KREMEN1: variants seen among roughly 807,000 people sequenced by gnomAD.
The protein encoded by KREMEN1 is kremen protein 1.
Under a neutral mutation model 46.5 loss-of-function variants are expected in KREMEN1, and 30 were observed. The observed-to-expected ratio is 0.65, with a 90% confidence interval of 0.48 to 0.88. The LOEUF (loss-of-function observed/expected upper bound fraction) is 0.88, where lower values mean the gene tolerates loss of function less well. KREMEN1 is among the 40% of genes least tolerant of loss of function. KREMEN1 has a pLI of 0.00. For synonymous variants in KREMEN1, 214 were observed against 230.6 expected (o/e 0.93, Z 0.65); for missense variants, 533 against 596.9 (o/e 0.89, Z 1.11).
intron 5 of KREMEN1, among the ~76,000 whole-genome samples, chr22:29,134,540 A>T (rs1182228838): frequency 6.6e-6 from 1 of 151,510 alleles, no homozygotes; most frequent in Non-Finnish European, 1.5e-5. Context: ...CTAGTTCTGT[A>T]GATTGTTTTA....
intron 5 of KREMEN1, among the ~76,000 whole-genome samples, chr22:29,131,997 G>A (rs193002477): frequency 4.2e-4 from 62 of 148,586 alleles, no homozygotes; most frequent in Non-Finnish European, 6.4e-4. Flanking sequence ...CTCAGCCTCC[G>A]GAGTAGCTGG....
intron 3 of KREMEN1, among the ~76,000 whole-genome samples, chr22:29,105,693 G>A (rs134674): frequency 0.64 from 97,227 of 152,040 alleles, 32,438 homozygotes; most frequent in African/African-American, 0.83. Flanking sequence ...GAGTGTCTGA[G>A]GGAGGCATTT....
intron 2 of KREMEN1, among the ~76,000 whole-genome samples, chr22:29,097,270 G>A (rs2037896630): frequency 6.6e-6 from 1 of 152,210 alleles, no homozygotes; most frequent in African/African-American, 2.4e-5. Context: ...AGCCTTTTCT[G>A]TGTGTCCAGT....
In KREMEN1 at chr22:29,107,094, C is replaced by A. The variant is rs1230783221; in HGVS notation, c.352+8141C>A. 3.9e-5 allele frequency among the ~76,000 whole-genome samples: 6 copies of A among 152,192 alleles called. No individual in the cohort carries two copies. In the East Asian group the frequency reaches 1.2e-3, roughly 29 times the overall value. On this transcript the variant is annotated intron_variant, in intron 3 of 8. Coordinates refer to ENST00000400335, the MANE Select transcript of KREMEN1 (RefSeq NM_001039570.3). The stretch of plus-strand genomic sequence containing the variant: ...AAGGGCTCCCCTGGGGTTGGACCCA[C>A]TGCACAAAACAGTTCGTCAGCAGCT...
intron 9 of KREMEN1, among the ~76,000 whole-genome samples, chr22:29,159,981 TAGAC>T (rs1186760421): frequency 6.6e-6 from 1 of 152,092 alleles, no homozygotes; most frequent in Non-Finnish European, 1.5e-5. Flanking sequence ...CTGACAGCAT[TAGAC>T]AGATCATCAA....
chr22:29,075,175 G>A (rs755568953), intron 1 of KREMEN1, among the ~76,000 whole-genome samples: 1 of 152,110 alleles, frequency 6.6e-6, no homozygotes, highest in Non-Finnish European at 1.5e-5. Flanking sequence ...GGGACATTCC[G>A]AGAGCCAGGA....
At chr22:29,166,119 A>T (rs2039050922) in intron 9 of KREMEN1, among the ~76,000 whole-genome samples, 1 of 152,144 alleles carries the variant, frequency 6.6e-6, no homozygotes, top group African/African-American at 2.4e-5. Flanking sequence ...ACCCATGCAC[A>T]CATCACCCAC....
chr22:29,129,964 T>A (rs1375703958), intron 5 of KREMEN1, among the ~76,000 whole-genome samples: 5 of 152,106 alleles, frequency 3.3e-5, no homozygotes, highest in African/African-American at 1.2e-4. Flanking sequence ...TAGGCCAGAG[T>A]CAACAGTGGG....
intron 1 of KREMEN1, among the ~76,000 whole-genome samples, chr22:29,093,984 C>T (rs1312542685): frequency 2.0e-5 from 3 of 152,204 alleles, no homozygotes; most frequent in Admixed American, 2.0e-4. Context: ...TACACTTCAG[C>T]TCCCTGTTTA....
In KREMEN1 at chr22:29,144,795, C is replaced by T. The variant is rs1480695163; in HGVS notation, c.*2683C>T. On this transcript the variant is annotated 3_prime_UTR_variant, in exon 9 of 9. Coordinates refer to ENST00000400335, the MANE Select transcript of KREMEN1 (RefSeq NM_001039570.3). ...GGGTGTCCTGCAGCCCAAATGCCCACCTTGCCCTCCTCACATCTCAGTCAG... is the reference window on the plus strand; with the variant it reads ...GGGTGTCCTGCAGCCCAAATGCCCATCTTGCCCTCCTCACATCTCAGTCAG... The T allele has an allele frequency of 1.0e-6, 1 of 985,402 alleles. No homozygotes were observed. The highest frequency in any genetic ancestry group is 1.7e-5 in the African/African-American group (1 of 57,246). The allele number at this position is 985,402 out of a possible 1,614,324, so 61.0% of individuals were successfully genotyped here. A position where few individuals can be genotyped will look rare whatever the true frequency, so the allele number is the denominator to read the frequency against.
At chr22:29,108,245 C>T (rs892508352) in intron 3 of KREMEN1, among the ~76,000 whole-genome samples, 2 of 152,234 alleles carry the variant, frequency 1.3e-5, no homozygotes, top group Non-Finnish European at 2.9e-5. Flanking sequence ...CTAGATTGCG[C>T]CATTGCACTT....
At chr22:29,113,793 G>A (rs134683) in intron 3 of KREMEN1, among the ~76,000 whole-genome samples, 87,006 of 152,004 alleles carry the variant, frequency 0.57, 25,956 homozygotes, top group African/African-American at 0.73. Flanking sequence ...CTGAGCCACA[G>A]TGTGGATGGC....
chr22:29,103,251 A>T (rs1322066744), intron 3 of KREMEN1, among the ~76,000 whole-genome samples: 2 of 152,224 alleles, frequency 1.3e-5, no homozygotes, highest in African/African-American at 4.8e-5. Flanking sequence ...TGGAAAGTTC[A>T]TATCTGAATA....
intron 9 of KREMEN1, chr22:29,154,654 AG>A (rs1471986381): frequency 6.6e-6 from 1 of 152,212 alleles, no homozygotes; most frequent in South Asian, 2.1e-4. Flanking sequence ...GATCTGCGGA[AG>A]AAGGCCAGCC....
chr22:29,152,705 C>T (rs1271987312), intron 9 of KREMEN1, among the ~76,000 whole-genome samples: 1 of 152,096 alleles, frequency 6.6e-6, no homozygotes, highest in Non-Finnish European at 1.5e-5. Context: ...ACAACCTTTC[C>T]TTTTTTTCCT....
At chr22:29,133,650 GTT>G (rs1315619620) in intron 5 of KREMEN1, among the ~76,000 whole-genome samples, 1 of 112,870 alleles carries the variant, frequency 8.9e-6, no homozygotes, top group Non-Finnish European at 2.1e-5. Context: ...TTCTTTGTCT[GTT>G]TTTTTTTGTT....
In KREMEN1 at chr22:29,098,871, T is replaced by G; in HGVS notation, c.270T>G (p.Asp90Glu). 6.2e-7 allele frequency: 1 copy of G among 1,613,730 alleles called. No individual in the cohort carries two copies. Among genetic ancestry groups the G allele is most frequent in the Non-Finnish European group, 8.5e-7 (1 of 1,179,638 alleles). The change falls in exon 3 of 9, where the codon GAT becomes GAG. Residue 90 changes from aspartate to glutamate, a missense_variant. Coordinates refer to ENST00000400335, the MANE Select transcript of KREMEN1 (RefSeq NM_001039570.3). ...LGEHNYCRNP[D>E]GDVSPWCYVA... Reference sequence around the variant, plus strand: ...TCCTTTTCCCCAACAGAAATCCAGATGGAGACGTGAGCCCCTGGTGCTATG... The same window carrying G: ...TCCTTTTCCCCAACAGAAATCCAGAGGGAGACGTGAGCCCCTGGTGCTATG...
At chr22:29,140,171 G>A (rs761197154) in intron 7 of KREMEN1, 111 bp from the exon 8 acceptor site, 19 of 806,112 alleles carry the variant, frequency 2.4e-5, no homozygotes, top group Admixed American at 9.8e-5. Flanking sequence ...CTCCCACACC[G>A]GCCTGCAGGG....
chr22:29,104,705 A>G (rs1449124101), intron 3 of KREMEN1, among the ~76,000 whole-genome samples: 1 of 152,066 alleles, frequency 6.6e-6, no homozygotes, highest in Admixed American at 6.6e-5. Flanking sequence ...TCAGGAGTTC[A>G]AGACCAGCCT....
Sources: gnomAD v4.1 joint callset for allele counts (sites outside exome capture counted in the v4.1 genomes callset) on GRCh38, gnomAD v4.1.1 for gene constraint, MANE v1.5 for transcripts, NCBI Gene and HGNC (gene_info 2026-07-23, HGNC 2026-07-21) for gene names.